NFIB: variants seen among roughly 807,000 people sequenced by gnomAD.
The protein encoded by NFIB is nuclear factor 1 B-type.
Under a neutral mutation model 61.5 loss-of-function variants are expected in NFIB, and 11 were observed. The ratio of observed to expected loss-of-function variants is 0.18; its 90% CI spans 0.11 to 0.30. NFIB has a LOEUF of 0.30. Ranked by LOEUF, NFIB falls within the 10% of genes least tolerant of loss-of-function variation. The pLI, the probability that NFIB is intolerant of heterozygous loss-of-function variation, is 1.00. For synonymous variants in NFIB, 260 were observed against 216.5 expected (o/e 1.20, Z -1.76); for missense variants, 471 against 608.9 (o/e 0.77, Z 2.38).
the NFIB span, among the ~76,000 whole-genome samples, chr9:14,510,050 T>C: frequency 6.6e-6 from 1 of 152,070 alleles, no homozygotes; most frequent in Non-Finnish European, 1.5e-5. Context: ...AGCATGCCAC[T>C]ACGCCCAGAT....
At chr9:14,329,807 C>T (rs2060799467) in intron 1 of NFIB, among the ~76,000 whole-genome samples, 1 of 151,622 alleles carries the variant, frequency 6.6e-6, no homozygotes, top group Non-Finnish European at 1.5e-5. Flanking sequence ...GCCACCACGC[C>T]CAGCCATCTT....
the NFIB span, among the ~76,000 whole-genome samples, chr9:14,482,412 C>T: frequency 6.6e-6 from 1 of 152,184 alleles, no homozygotes; most frequent in Non-Finnish European, 1.5e-5. Flanking sequence ...CTCTGGAGTA[C>T]TGCCAGCTCC....
chr9:14,491,086 A>G, the NFIB span, among the ~76,000 whole-genome samples: 1 of 152,244 alleles, frequency 6.6e-6, no homozygotes, highest in African/African-American at 2.4e-5. Flanking sequence ...ATGTGGTTTT[A>G]AATCCTGGCT....
chr9:14,196,239 G>C (rs2048455474), intron 2 of NFIB, among the ~76,000 whole-genome samples: 1 of 152,140 alleles, frequency 6.6e-6, no homozygotes, highest in South Asian at 2.1e-4. Context: ...GAGGCACTCA[G>C]GGAGGATCTA....
intron 10 of NFIB, 116 bp downstream of exon 10, chr9:14,112,883 T>G: frequency 1.2e-6 from 1 of 821,920 alleles, no homozygotes; most frequent in South Asian, 1.8e-5. Flanking sequence ...AAATGATCAG[T>G]TTTGGTCTCA....
At chr9:14,231,714 T>C (rs2053213027) in intron 2 of NFIB, among the ~76,000 whole-genome samples, 1 of 152,210 alleles carries the variant, frequency 6.6e-6, no homozygotes, top group Admixed American at 6.5e-5. Flanking sequence ...GCAGTAATTA[T>C]ACACCTTATG....
the NFIB span, among the ~76,000 whole-genome samples, chr9:14,448,796 T>C: frequency 6.6e-6 from 1 of 152,208 alleles, no homozygotes; most frequent in Non-Finnish European, 1.5e-5. Context: ...AGCTGGTATC[T>C]AATACTCGAC....
intron 9 of NFIB, among the ~76,000 whole-genome samples, chr9:14,114,316 C>G (rs1391627437): frequency 6.6e-6 from 1 of 152,210 alleles, no homozygotes; most frequent in Non-Finnish European, 1.5e-5. Flanking sequence ...CACCACACCT[C>G]ACAGACAGCC....
intron 2 of NFIB, among the ~76,000 whole-genome samples, chr9:14,258,075 T>C (rs948071166): frequency 7.9e-5 from 12 of 152,216 alleles, no homozygotes; most frequent in Admixed American, 6.5e-4. Context: ...TGTTCTTTTA[T>C]GAACATAGTT....
chr9:14,232,946 T>C (rs981185752), intron 2 of NFIB, among the ~76,000 whole-genome samples: 1 of 152,214 alleles, frequency 6.6e-6, no homozygotes, highest in African/African-American at 2.4e-5. Context: ...AGGGCCCATC[T>C]AGCAAACTGG....
chr9:14,341,298 C>T (rs550895417), intron 1 of NFIB, among the ~76,000 whole-genome samples: 1 of 152,230 alleles, frequency 6.6e-6, no homozygotes, highest in Middle Eastern at 3.4e-3. Context: ...CCATGGGTAC[C>T]TGGTGCGTGG....
chr9:14,482,608 G>C, the NFIB span, among the ~76,000 whole-genome samples: 1 of 152,220 alleles, frequency 6.6e-6, no homozygotes, highest in Non-Finnish European at 1.5e-5. Context: ...AAGCACCGAA[G>C]GGGCTGCATT....
At chr9:14,092,949 T>A (rs953099157) in intron 10 of NFIB, among the ~76,000 whole-genome samples, 1 of 152,086 alleles carries the variant, frequency 6.6e-6, no homozygotes, top group Non-Finnish European at 1.5e-5. Context: ...AGGCAGAAAT[T>A]GCTCTCGGCA....
intron 1 of NFIB, chr9:14,362,676 T>A (rs2061254063): frequency 6.6e-6 from 1 of 152,120 alleles, no homozygotes; most frequent in African/African-American, 2.4e-5. Flanking sequence ...AGGGAGGATC[T>A]CGTAAGGCCA....
At chr9:14,142,360 T>TG (rs1311422389) in intron 6 of NFIB, among the ~76,000 whole-genome samples, 4 of 152,150 alleles carry the variant, frequency 2.6e-5, no homozygotes, top group Non-Finnish European at 2.9e-5. Context: ...AGACGTGACT[T>TG]GCTCCTCCTT....
At chr9:14,284,359 C>G (rs1226492870) in intron 2 of NFIB, among the ~76,000 whole-genome samples, 1 of 152,130 alleles carries the variant, frequency 6.6e-6, no homozygotes, top group Non-Finnish European at 1.5e-5. Flanking sequence ...TTCCATACAT[C>G]TTCTTTCTCA....
chr9:14,313,713 T>C lies in NFIB; in HGVS notation c.-202A>G, dbSNP rs2273933. Reference sequence around the variant, plus strand: ...ATTCAAGTTCACTCGGCGTGCTAGATTTCCAGGGGTGAAATCCAATCTACA... The same window carrying C: ...ATTCAAGTTCACTCGGCGTGCTAGACTTCCAGGGGTGAAATCCAATCTACA... On this transcript the variant is annotated 5_prime_UTR_variant, in exon 1 of 11. Transcript: ENST00000380953. This position sits in a 1 kb window ranked among gnomAD's most constrained non-coding sequence, Gnocchi z 4.5. 1 of 1,412,030 alleles carries C rather than the reference T, an allele frequency of 7.1e-7. No homozygotes were observed. The highest frequency in any genetic ancestry group is 9.2e-7 in the Non-Finnish European group (1 of 1,084,056). The allele number at this position is 1,412,030 out of a possible 1,614,324, so 87.5% of individuals were successfully genotyped here.
intron 3 of NFIB, among the ~76,000 whole-genome samples, chr9:14,178,652 T>C (rs1269629925): frequency 1.3e-5 from 2 of 152,136 alleles, no homozygotes; most frequent in East Asian, 1.9e-4. Flanking sequence ...CAGAAAAATA[T>C]AGTCTGTTTT....
the NFIB span, among the ~76,000 whole-genome samples, chr9:14,506,256 G>C: frequency 6.6e-6 from 1 of 152,112 alleles, no homozygotes; most frequent in Non-Finnish European, 1.5e-5. Flanking sequence ...GGGGAGGGGA[G>C]ATTGCCCACA....
Sources: allele counts gnomAD v4.1 joint callset (sites outside exome capture counted in the v4.1 genomes callset), GRCh38; gene constraint gnomAD v4.1.1; non-coding constraint Gnocchi (gnomAD v3.1); transcripts MANE v1.5; gene names NCBI Gene and HGNC (gene_info 2026-07-23, HGNC 2026-07-21).